Variants in TMEM266 observed in about 807,000 individuals in gnomAD.
TMEM266 encodes the protein transmembrane protein 266, also known as Hv1 related protein 1.
Under a neutral mutation model 50.5 loss-of-function variants are expected in TMEM266, and 33 were observed. That is an observed-to-expected ratio of 0.65 (90% CI 0.50 to 0.87). The LOEUF is 0.87. TMEM266 is among the 40% of genes least tolerant of loss of function. The pLI is 0.00. For missense variants in TMEM266, 655 were observed against 695.1 expected, an observed-to-expected ratio of 0.94 and a Z score of 0.65; for synonymous variants, 310 against 292.3, an observed-to-expected ratio of 1.06 and a Z score of -0.62.
chr15:76,073,462 G>A (rs1035053201), intron 1 of TMEM266, among the ~76,000 whole-genome samples: 3 of 151,742 alleles, frequency 2.0e-5, no homozygotes, highest in Admixed American at 6.6e-5. Context: ...CGAACTCCTG[G>A]CCTCAAGTGA....
intron 3 of TMEM266, among the ~76,000 whole-genome samples, chr15:76,147,298 G>A (rs2037770773): frequency 6.6e-6 from 1 of 152,232 alleles, no homozygotes; most frequent in Non-Finnish European, 1.5e-5. Flanking sequence ...CACTTAGTAA[G>A]GTTTTAACGT....
chr15:76,126,323 G>T (rs2142023087), intron 1 of TMEM266, among the ~76,000 whole-genome samples: 2 of 149,228 alleles, frequency 1.3e-5, no homozygotes, highest in Middle Eastern at 7.3e-3. Flanking sequence ...CAACCTAAGT[G>T]TCCATCAATA....
intron 8 of TMEM266, among the ~76,000 whole-genome samples, chr15:76,183,874 C>T (rs2038456642): frequency 6.6e-6 from 1 of 152,188 alleles, no homozygotes; most frequent in African/African-American, 2.4e-5. Flanking sequence ...CCTCCATCCC[C>T]TTCGCTGTCT....
intron 1 of TMEM266, among the ~76,000 whole-genome samples, chr15:76,133,726 C>T (rs2037549228): frequency 6.6e-6 from 1 of 152,176 alleles, no homozygotes; most frequent in Non-Finnish European, 1.5e-5. Context: ...AGAGAAAAGC[C>T]TGCATGAAAA....
At chr15:76,191,445 T>G (rs1261938244) in intron 8 of TMEM266, 1 of 152,308 alleles carries the variant, frequency 6.6e-6, no homozygotes, top group African/African-American at 2.4e-5. Context: ...TTGGACTGAA[T>G]CGGTCTGGTC....
intron 3 of TMEM266, among the ~76,000 whole-genome samples, chr15:76,138,733 C>T (rs1408188902): frequency 6.6e-6 from 1 of 152,216 alleles, no homozygotes; most frequent in Non-Finnish European, 1.5e-5. Context: ...TATGTGGGTC[C>T]ACAATTCAAA....
rs112153545 is a variant in TMEM266 at position 76,101,820 on chromosome 15, G to A, written c.-96-32348G>A. ...CCCTGCAGGCAGGTCATTTCCCCAC[G>A]CCTGGCCAGCTGCCAACACAGGTTG... On this transcript the variant is annotated intron_variant, in intron 1 of 10. Transcript: ENST00000388942. Among the ~76,000 whole-genome samples the A allele has an allele frequency of 4.4e-3, 666 of 152,318 alleles. 1 individual carries two copies. The highest frequency in any genetic ancestry group is 0.015 in the African/African-American group (624 of 41,572).
At chr15:76,200,273 C>G (rs1182722755) in intron 9 of TMEM266, among the ~76,000 whole-genome samples, 1 of 152,164 alleles carries the variant, frequency 6.6e-6, no homozygotes. Context: ...TGGGGACTGG[C>G]CAAGATGCCT....
intron 1 of TMEM266, among the ~76,000 whole-genome samples, chr15:76,068,318 C>T (rs181156010): frequency 3.3e-5 from 5 of 152,288 alleles, no homozygotes; most frequent in East Asian, 1.9e-4. Flanking sequence ...ATGTTCCCTA[C>T]GAATAGTCTA....
Position 76,204,191 on chromosome 15 carries a change from A to C in TMEM266, c.1472A>C (p.Glu491Ala). The C allele has an allele frequency of 6.2e-7, 1 of 1,613,918 alleles. No individual in the cohort carries two copies. The highest frequency in any genetic ancestry group is 8.5e-7 in the Non-Finnish European group (1 of 1,180,022). The change falls in exon 11 of 11, where the codon GAG (glutamate) becomes GCG (alanine). Residue 491 changes from glutamate (E) to alanine (A), a missense_variant. By Grantham distance (107) the Glu-to-Ala change is moderately radical. Around this residue, in one of 3 missense-constraint regions of TMEM266, gnomAD observed 455 missense variants for 401.8 expected, o/e 1.13. Transcript: ENST00000388942. ...AGTCTGTTCAACCAGAAGAACCAGG[A>C]GGGCTTCACTGTCTTTCAGATCAGG...
At position 76,177,467 on chromosome 15, in the gene TMEM266, A is replaced by G. The variant is rs527893434; in HGVS notation, c.768+1793A>G. ...CAAAGTGATCCTGGGAAATGTCCCC[A>G]CAGGAACACGCACACAGTGTCTTCA... On this transcript the variant is annotated intron_variant, in intron 8 of 10. Transcript: ENST00000388942. Among the ~76,000 whole-genome samples the G allele has an allele frequency of 5.9e-5, 9 of 152,376 alleles. No individual in the cohort carries two copies. In the South Asian group the frequency reaches 1.7e-3, roughly 28 times the overall value.
At chr15:76,124,922 A>G (rs934851049) in intron 1 of TMEM266, among the ~76,000 whole-genome samples, 5 of 152,242 alleles carry the variant, frequency 3.3e-5, no homozygotes, top group Non-Finnish European at 7.3e-5. Flanking sequence ...AGCCAGAGGC[A>G]GCACACTTTC....
At chr15:76,081,570 C>T (rs1336115075) in intron 1 of TMEM266, among the ~76,000 whole-genome samples, 2 of 152,178 alleles carry the variant, frequency 1.3e-5, no homozygotes, top group Admixed American at 1.3e-4. Context: ...TGGCTCCTCG[C>T]GGTTGAGTCC....
intron 6 of TMEM266, among the ~76,000 whole-genome samples, chr15:76,170,420 G>C (rs1409074005): frequency 6.6e-6 from 1 of 152,196 alleles, no homozygotes; most frequent in Non-Finnish European, 1.5e-5. Flanking sequence ...CACAGTGCTG[G>C]GATCTGACAC....
intron 5 of TMEM266, among the ~76,000 whole-genome samples, chr15:76,167,636 G>C (rs2038117611): frequency 6.6e-6 from 1 of 151,856 alleles, no homozygotes; most frequent in Non-Finnish European, 1.5e-5. Context: ...TGAGTAGCTG[G>C]GATTACAGGT....
chr15:76,187,018 A>G (rs924003359), intron 8 of TMEM266, among the ~76,000 whole-genome samples: 1 of 152,122 alleles, frequency 6.6e-6, no homozygotes, highest in Non-Finnish European at 1.5e-5. Flanking sequence ...GTTCCCTGCA[A>G]TGCAGCTGAC....
chr15:76,155,004 G>A (rs113330705), intron 3 of TMEM266, among the ~76,000 whole-genome samples: 121 of 152,310 alleles, frequency 7.9e-4, no homozygotes, highest in Middle Eastern at 6.8e-3. Context: ...CATCATCGTC[G>A]TCATCATCAC....
Position 76,160,831 on chromosome 15 carries a change from A to C in TMEM266, c.456+663A>C, listed in dbSNP as rs574593556. On this transcript the variant is annotated intron_variant, in intron 5 of 10. Coordinates refer to ENST00000388942, the MANE Select transcript of TMEM266 (RefSeq NM_152335.3). This position sits in a 1 kb window ranked among gnomAD's most constrained non-coding sequence, Gnocchi z 5.7. ...ATCTCTGTGGTGAGGGGAGGGGGAAAGTTTATGGAGATCCGCAGGCCCCCG... is the reference window on the plus strand; with the variant it reads ...ATCTCTGTGGTGAGGGGAGGGGGAACGTTTATGGAGATCCGCAGGCCCCCG... Among the ~76,000 whole-genome samples, 40 of 152,204 alleles carry C rather than the reference A, an allele frequency of 2.6e-4. No individual in the cohort carries two copies. The highest frequency in any genetic ancestry group is 8.4e-4 in the African/African-American group (35 of 41,520).
intron 3 of TMEM266, among the ~76,000 whole-genome samples, chr15:76,150,855 GTTCATT>G (rs1437090543): frequency 1.3e-5 from 2 of 152,242 alleles, no homozygotes; most frequent in Non-Finnish European, 2.9e-5. Flanking sequence ...AAGTTTGTCA[GTTCATT>G]TTCATATTCT....
Sources: gnomAD v4.1 joint callset for allele counts (sites outside exome capture counted in the v4.1 genomes callset) on GRCh38, gnomAD v4.1.1 for gene constraint, gnomAD v4.1.1 regional missense constraint, Gnocchi (gnomAD v3.1) non-coding constraint, MANE v1.5 for transcripts, NCBI Gene and HGNC (gene_info 2026-07-23, HGNC 2026-07-21) for gene names.